ZNF407: variants seen among roughly 807,000 people sequenced by gnomAD.
ZNF407 encodes the protein zinc finger protein 407.
ZNF407 carries 17 observed loss-of-function variants against 131.2 expected under a neutral mutation model. That is an observed-to-expected ratio of 0.13 (90% CI 0.09 to 0.19). The LOEUF (loss-of-function observed/expected upper bound fraction) is 0.19, where lower values mean the gene tolerates loss of function less well. Among genes scored for constraint, ZNF407 ranks in the 10% least tolerant of loss-of-function variants. The pLI is 1.00. For synonymous variants in ZNF407, 1,156 were observed against 1,062.0 expected, an observed-to-expected ratio of 1.09 and a Z score of -1.72; for missense variants, 2,681 against 2,830.6, an observed-to-expected ratio of 0.95 and a Z score of 1.20.
Position 74,648,344 on chromosome 18 carries a change from G to A in ZNF407, c.4802+7222G>A, listed in dbSNP as rs1985071240. 2.0e-5 allele frequency among the ~76,000 whole-genome samples: 3 copies of A among 152,264 alleles called. No homozygotes were observed. The South Asian group carries it at 6.2e-4, about 32-fold the overall frequency. ...AGTCAAGACTTCTGGAGGCTGGATT[G>A]TGAAGCCAGGTGGACAGTTCCAGGG... On this transcript the variant is annotated intron_variant, in intron 3 of 8. Coordinates refer to ENST00000299687, the MANE Select transcript of ZNF407 (RefSeq NM_017757.3).
intron 1 of ZNF407, among the ~76,000 whole-genome samples, chr18:74,605,185 C>T (rs566924931): frequency 3.3e-5 from 5 of 152,102 alleles, no homozygotes; most frequent in South Asian, 2.1e-4. Context: ...GACATTCCGG[C>T]GGTGACTTCA....
intron 8 of ZNF407, among the ~76,000 whole-genome samples, chr18:74,974,679 A>G (rs1415794661): frequency 6.6e-6 from 1 of 152,164 alleles, no homozygotes; most frequent in East Asian, 1.9e-4. Context: ...AGTACCCCAC[A>G]TGGAAGTTGG....
chr18:74,732,348 G>T (rs527469681), intron 3 of ZNF407, among the ~76,000 whole-genome samples: 1 of 152,116 alleles, frequency 6.6e-6, no homozygotes, highest in East Asian at 1.9e-4. Context: ...GCCCCTTCCT[G>T]CCTTTGGACT....
At chr18:74,877,442 A>G in intron 5 of ZNF407, 79 bp downstream of exon 5, 1 of 1,308,936 alleles carries the variant, frequency 7.6e-7, no homozygotes. Flanking sequence ...GGCATTAATT[A>G]TCCCATCTTC....
intron 3 of ZNF407, among the ~76,000 whole-genome samples, chr18:74,732,839 TTTACATTG>T (rs1227460563): frequency 2.0e-5 from 3 of 152,188 alleles, no homozygotes; most frequent in Non-Finnish European, 4.4e-5. Context: ...AATGTGAGTG[TTTACATTG>T]TTACATTTTG....
intron 8 of ZNF407, among the ~76,000 whole-genome samples, chr18:75,043,069 TGTG>T (rs1296875928): frequency 1.3e-5 from 2 of 152,184 alleles, no homozygotes; most frequent in South Asian, 2.1e-4. Context: ...CATGGGATGA[TGTG>T]GTGAGAAATT....
chr18:74,851,420 A>G (rs1302539013), intron 4 of ZNF407, among the ~76,000 whole-genome samples: 1 of 152,202 alleles, frequency 6.6e-6, no homozygotes, highest in African/African-American at 2.4e-5. Flanking sequence ...AATTAGAGAA[A>G]TGTCATGAGT....
chr18:75,024,658 A>G (rs928247361), intron 8 of ZNF407, among the ~76,000 whole-genome samples: 3 of 152,230 alleles, frequency 2.0e-5, no homozygotes, highest in African/African-American at 7.2e-5. Flanking sequence ...TTCATCTCAT[A>G]GGCATGCACT....
At chr18:74,676,843 GA>G (rs1378637021) in intron 3 of ZNF407, among the ~76,000 whole-genome samples, 1 of 152,152 alleles carries the variant, frequency 6.6e-6, no homozygotes, top group African/African-American at 2.4e-5. Flanking sequence ...GTTTATCCAA[GA>G]AACTGTCTTT....
chr18:74,798,974 A>AT (rs1031439513), intron 4 of ZNF407, among the ~76,000 whole-genome samples: 39 of 152,090 alleles, frequency 2.6e-4, no homozygotes, highest in Middle Eastern at 3.4e-3. Context: ...TTTGTCTTAT[A>AT]TTTTTAAATG....
intron 3 of ZNF407, among the ~76,000 whole-genome samples, chr18:74,778,749 C>G (rs1969528379): frequency 6.6e-6 from 1 of 152,032 alleles, no homozygotes; most frequent in African/African-American, 2.4e-5. Context: ...GAAGGCATGA[C>G]TTGAACGGTC....
intron 8 of ZNF407, among the ~76,000 whole-genome samples, chr18:74,986,200 GT>G (rs1340872707): frequency 6.6e-6 from 1 of 151,548 alleles, no homozygotes; most frequent in Non-Finnish European, 1.5e-5. Flanking sequence ...TACAAATGCA[GT>G]CTAGTGTTGA....
At chr18:74,834,351 TA>T (rs1365998095) in intron 4 of ZNF407, among the ~76,000 whole-genome samples, 1 of 152,236 alleles carries the variant, frequency 6.6e-6, no homozygotes, top group East Asian at 1.9e-4. Flanking sequence ...ACTTTATGTC[TA>T]GAAAAATGGG....
intron 3 of ZNF407, among the ~76,000 whole-genome samples, chr18:74,775,894 A>C (rs1425267803): frequency 5.5e-5 from 8 of 146,456 alleles, no homozygotes; most frequent in Non-Finnish European, 1.2e-4. Flanking sequence ...TGTTTTACAC[A>C]CTTTTAAACC....
chr18:74,617,238 T>C (rs1983357436), intron 1 of ZNF407, among the ~76,000 whole-genome samples: 1 of 149,754 alleles, frequency 6.7e-6, no homozygotes, highest in African/African-American at 2.5e-5. Context: ...TTAAATGCAT[T>C]GTGACCCTTT....
chr18:75,006,080 C>T (rs559551929), intron 8 of ZNF407, among the ~76,000 whole-genome samples: 2 of 152,162 alleles, frequency 1.3e-5, no homozygotes, highest in East Asian at 1.9e-4. Flanking sequence ...ACGGACCCTC[C>T]GTGCTGTCTT....
At chr18:74,794,028 T>C (rs927463181) in intron 4 of ZNF407, among the ~76,000 whole-genome samples, 3 of 152,230 alleles carry the variant, frequency 2.0e-5, no homozygotes, top group Non-Finnish European at 4.4e-5. Flanking sequence ...TGGAGACTTT[T>C]TGATAGAAAG....
intron 3 of ZNF407, among the ~76,000 whole-genome samples, chr18:74,664,165 C>A (rs1056942676): frequency 1.3e-5 from 2 of 152,152 alleles, no homozygotes; most frequent in African/African-American, 4.8e-5. Flanking sequence ...CCAGTGAATA[C>A]CATTTAACCA....
At chr18:75,022,383 C>T (rs1265098354) in intron 8 of ZNF407, among the ~76,000 whole-genome samples, 1 of 152,198 alleles carries the variant, frequency 6.6e-6, no homozygotes, top group Non-Finnish European at 1.5e-5. Context: ...GCCACACAGT[C>T]ACTTTGACTG....
Sources: allele counts gnomAD v4.1 joint callset (sites outside exome capture counted in the v4.1 genomes callset), GRCh38; gene constraint gnomAD v4.1.1; transcripts MANE v1.5; gene names NCBI Gene and HGNC (gene_info 2026-07-23, HGNC 2026-07-21).